Variants in HINFP observed in about 807,000 individuals in gnomAD.
The protein encoded by HINFP is histone H4 transcription factor.
Under a neutral mutation model 50.1 loss-of-function variants are expected in HINFP, and 20 were observed. The ratio of observed to expected loss-of-function variants is 0.40; its 90% CI spans 0.28 to 0.58. The LOEUF is 0.58. Among genes scored for constraint, HINFP ranks in the 20% least tolerant of loss-of-function variants. The pLI, the probability that HINFP is intolerant of heterozygous loss-of-function variation, is 0.45. For missense variants in HINFP, 505 were observed against 664.1 expected (o/e 0.76, Z 2.63); for synonymous variants, 247 against 243.7 (o/e 1.01, Z -0.13).
intron 2 of HINFP, 88 bp from the exon 3 acceptor site, chr11:119,130,637 C>A: frequency 8.5e-7 from 1 of 1,178,022 alleles, no homozygotes; most frequent in African/African-American, 1.5e-5. Context: ...CGAGTCCAGC[C>A]TCCTCACTCT....
At position 119,134,025 on chromosome 11, in the gene HINFP, C is replaced by G; in HGVS notation, c.1140-59C>G. 2 of 1,609,568 alleles carry G rather than the reference C, an allele frequency of 1.2e-6. No homozygotes were observed. The highest frequency in any genetic ancestry group is 1.7e-6 in the Non-Finnish European group (2 of 1,176,178). On this transcript the variant is annotated intron_variant, in intron 9 of 9. Coordinates refer to ENST00000350777, the MANE Select transcript of HINFP (RefSeq NM_198971.3). The surrounding 1 kb of genome is among the most constrained non-coding windows in gnomAD (Gnocchi z 4.3). ...TGTTTGTTCCTTACTTTGCCAGCCTCGGCCATTTCTGTATCCCCCTGCCTG... is the reference window on the plus strand; with the variant it reads ...TGTTTGTTCCTTACTTTGCCAGCCTGGGCCATTTCTGTATCCCCCTGCCTG...
Position 119,131,435 on chromosome 11 carries a change from C to A in HINFP, c.412-100C>A. The A allele has an allele frequency of 1.2e-6, 1 of 845,188 alleles. No homozygotes were observed. 52.4% of individuals were successfully genotyped at this position (845,188 alleles called of 1,614,324 possible). ...GCCTTTCCTCAAAATTTCCCATCCCCATCAAGTTAATTTGGGAGAGAGCCA... is the reference window on the plus strand; with the variant it reads ...GCCTTTCCTCAAAATTTCCCATCCCAATCAAGTTAATTTGGGAGAGAGCCA... On this transcript the variant is annotated intron_variant, in intron 3 of 9. Coordinates refer to ENST00000350777, the MANE Select transcript of HINFP (RefSeq NM_198971.3). This position sits in a 1 kb window ranked among gnomAD's most constrained non-coding sequence, Gnocchi z 4.2.
Position 119,132,769 on chromosome 11 carries a change from G to T in HINFP, c.863G>T (p.Cys288Phe). The T allele has an allele frequency of 6.2e-7, 1 of 1,613,576 alleles. No homozygotes were observed. Among genetic ancestry groups the T allele is most frequent in the South Asian group, 1.1e-5 (1 of 91,088 alleles). Residue 288 changes from cysteine to phenylalanine, a missense_variant, in exon 7 of 10, where the codon TGT (cysteine) becomes TTT (phenylalanine). Physicochemically the swap from Cys to Phe is radical, Grantham distance 205. Transcript: ENST00000350777. Reference sequence around the variant, plus strand: ...GAGGACCGGCCCTTTAAATGTGACTGTTGTGACTACAGGTAAGGGGGACCA... The same window carrying T: ...GAGGACCGGCCCTTTAAATGTGACTTTTGTGACTACAGGTAAGGGGGACCA... ...HSEDRPFKCD[C>F]CDYSCKNLID... is the part of the protein sequence containing the mutation.
At position 119,134,384 on chromosome 11, in the gene HINFP, C is replaced by T. The variant is rs777221391; in HGVS notation, c.1440C>T (p.Tyr480=). ...CCCAAGGCCAGCAAGAGATCGTCTA[C>T]TATGTGCTGTCTGAAGCCCCAGGGG... ...TNAQGQQEIV[Y]YVLSEAPGEP... The change falls in exon 10 of 10, where the codon TAC becomes TAT. Residue 480 remains tyrosine (Y), a synonymous_variant. Transcript: ENST00000350777. The surrounding 1 kb of genome is among the most constrained non-coding windows in gnomAD (Gnocchi z 4.3). 6.2e-7 allele frequency: 1 copy of T among 1,614,172 alleles called. No homozygotes were observed. Among genetic ancestry groups the T allele is most frequent in the South Asian group, 1.1e-5 (1 of 91,080 alleles).
At chr11:119,126,354 C>CAAAAAAA (rs55703263) in intron 1 of HINFP, 1 of 62,688 alleles carries the variant, frequency 1.6e-5, no homozygotes, top group Non-Finnish European at 3.7e-5. Context: ...AACTCAATCT[C>CAAAAAAA]AAAAAAAAAA....
rs1255599537 is a variant in HINFP, at chr11:119,135,102, A to G, written c.*604A>G. 2.0e-5 allele frequency: 3 copies of G among 152,654 alleles called. No individual in the cohort carries two copies. Among genetic ancestry groups the G allele is most frequent in the African/African-American group, 4.8e-5 (2 of 41,432 alleles). 9.5% of individuals were successfully genotyped at this position (152,654 alleles called of 1,614,324 possible). On this transcript the variant is annotated 3_prime_UTR_variant, in exon 10 of 10. Coordinates refer to ENST00000350777, the MANE Select transcript of HINFP (RefSeq NM_198971.3). Reference sequence around the variant, plus strand: ...TGGCAGTTTACTAGGTAATGAGGAGATACAGCCACCCAGAAGAGGAGCTGA... The same window carrying G: ...TGGCAGTTTACTAGGTAATGAGGAGGTACAGCCACCCAGAAGAGGAGCTGA...
intron 2 of HINFP, among the ~76,000 whole-genome samples, chr11:119,128,224 AT>A (rs1012534931): frequency 2.6e-5 from 4 of 152,118 alleles, no homozygotes; most frequent in Non-Finnish European, 5.9e-5. Context: ...AATAACTGGG[AT>A]TTTAATAAAA....
In HINFP at chr11:119,131,308, C is replaced by T. The variant is rs549139993; in HGVS notation, c.412-227C>T. 2.2e-4 allele frequency: 130 copies of T among 580,768 alleles called. No homozygotes were observed. The highest frequency in any genetic ancestry group is 3.5e-4 in the Non-Finnish European group (112 of 321,134). 36.0% of individuals were successfully genotyped at this position (580,768 alleles called of 1,614,324 possible). ...CTGGGTGTGTTGCCCAGGCCGGTCT[C>T]GAACTCTTGGCCTCAAGTGATTCTC... On this transcript the variant is annotated intron_variant, in intron 3 of 9. Coordinates refer to ENST00000350777, the MANE Select transcript of HINFP (RefSeq NM_198971.3). The surrounding 1 kb of genome is among the most constrained non-coding windows in gnomAD (Gnocchi z 4.2).
intron 2 of HINFP, among the ~76,000 whole-genome samples, chr11:119,128,542 G>A (rs1947556164): frequency 6.6e-6 from 1 of 150,424 alleles, no homozygotes; most frequent in African/African-American, 2.4e-5. Flanking sequence ...TGGCCAGCCT[G>A]GTCTTGAACT....
rs543821453 is a variant in HINFP, at chr11:119,135,158, C to G, written c.*660C>G. The G allele has an allele frequency of 1.9e-4, 29 of 152,600 alleles. No homozygotes were observed. Among genetic ancestry groups the G allele is most frequent in the Admixed American group, 6.5e-4 (10 of 15,306 alleles). The allele number at this position is 152,600 out of a possible 1,614,324, so 9.5% of individuals were successfully genotyped here. On this transcript the variant is annotated 3_prime_UTR_variant, in exon 10 of 10. Transcript: ENST00000350777. ...TAGGCTTGTTCCCCTTCTGGTGACTCAGGTGGTTTGTTTTTTGTTTGCTTA... is the reference window on the plus strand; with the variant it reads ...TAGGCTTGTTCCCCTTCTGGTGACTGAGGTGGTTTGTTTTTTGTTTGCTTA...
In HINFP at chr11:119,121,595, G is replaced by A. The variant is rs1565783551; in HGVS notation, c.-55G>A. On this transcript the variant is annotated 5_prime_UTR_variant, in exon 1 of 10. Coordinates refer to ENST00000350777, the MANE Select transcript of HINFP (RefSeq NM_198971.3). The stretch of plus-strand genomic sequence containing the variant: ...TCCCTCAAGCGCCTCTCCGGAGATG[G>A]TCTGAGGTGGGAGAAGAGCTGAAGA... 6.6e-6 allele frequency: 1 copy of A among 152,374 alleles called. No individual in the cohort carries two copies. The highest frequency in any genetic ancestry group is 1.9e-4 in the East Asian group (1 of 5,200). The allele number at this position is 152,374 out of a possible 1,614,324, so 9.4% of individuals were successfully genotyped here. A position where few individuals can be genotyped will look rare whatever the true frequency, so the allele number is the denominator to read the frequency against.
intron 6 of HINFP, 23 bp downstream of exon 6, chr11:119,132,596 C>T (rs1947827653): frequency 6.2e-7 from 1 of 1,614,072 alleles, no homozygotes; most frequent in Non-Finnish European, 8.5e-7. Context: ...CGGCCCACAG[C>T]CTCCCTCCTG....
chr11:119,134,517 A>G lies in HINFP; in HGVS notation c.*19A>G, dbSNP rs769205696. 1 of 1,550,024 alleles carries G rather than the reference A, an allele frequency of 6.5e-7. No homozygotes were observed. Among genetic ancestry groups the G allele is most frequent in the Non-Finnish European group, 8.7e-7 (1 of 1,146,222 alleles). On this transcript the variant is annotated 3_prime_UTR_variant, in exon 10 of 10. Coordinates refer to ENST00000350777, the MANE Select transcript of HINFP (RefSeq NM_198971.3). This position sits in a 1 kb window ranked among gnomAD's most constrained non-coding sequence, Gnocchi z 4.3. The stretch of plus-strand genomic sequence containing the variant: ...GGTTTGAAGGCCGCAGAGCCAGACC[A>G]TTTCTTCCCCAGGTCCTGAAGTTTG...
intron 1 of HINFP, among the ~76,000 whole-genome samples, chr11:119,122,410 A>G (rs1015419548): frequency 1.3e-5 from 2 of 152,154 alleles, no homozygotes; most frequent in Non-Finnish European, 2.9e-5. Context: ...GTTTCTGCTC[A>G]GAAGCTTCTT....
chr11:119,132,094 T>A, intron 5 of HINFP, 112 bp downstream of exon 5: 1 of 1,217,790 alleles, frequency 8.2e-7, no homozygotes, highest in Non-Finnish European at 1.2e-6. Flanking sequence ...GGCTGCCTCT[T>A]CTTTTTGGGC....
At chr11:119,128,481 T>C (rs1392892520) in intron 2 of HINFP, among the ~76,000 whole-genome samples, 4 of 151,102 alleles carry the variant, frequency 2.6e-5, no homozygotes, top group Non-Finnish European at 5.9e-5. Flanking sequence ...AATTTTTTTT[T>C]GTATTTTTAG....
At chr11:119,125,077 T>C (rs1268258606) in intron 1 of HINFP, 1 of 146,014 alleles carries the variant, frequency 6.8e-6, no homozygotes, top group Non-Finnish European at 1.5e-5. Context: ...CTTACTCTGT[T>C]GCCCAGGCTG....
Position 119,134,313 on chromosome 11 carries a change from C to T in HINFP, c.1369C>T (p.Gln457Ter), listed in dbSNP as rs771499295. 1 of 1,614,070 alleles carries T rather than the reference C, an allele frequency of 6.2e-7. No individual in the cohort carries two copies. The highest frequency in any genetic ancestry group is 1.3e-5 in the African/African-American group (1 of 74,948). The change falls in exon 10 of 10, where the codon CAG becomes TAG. Residue 457 changes from glutamine (Q) to a stop codon, truncating the protein, a stop_gained. Transcript: ENST00000350777. LOFTEE classifies it high-confidence loss of function. The surrounding 1 kb of genome is among the most constrained non-coding windows in gnomAD (Gnocchi z 4.3). Reference protein sequence around the residue: ...GSEGTALSASQDNPSSVIHVV... With the variant: ...GSEGTALSAS ...CGAAGGGACAGCCCTCTCAGCCTCT[C>T]AGGACAACCCCAGTTCTGTCATCCA...
chr11:119,125,931 T>A (rs1947371733), intron 1 of HINFP: 1 of 152,196 alleles, frequency 6.6e-6, no homozygotes, highest in African/African-American at 2.4e-5. Flanking sequence ...CTGTAGGCTC[T>A]ATGGAGTAGA....
Sources: allele counts gnomAD v4.1 joint callset (sites outside exome capture counted in the v4.1 genomes callset), GRCh38; gene constraint gnomAD v4.1.1; non-coding constraint Gnocchi (gnomAD v3.1); transcripts MANE v1.5; gene names NCBI Gene and HGNC (gene_info 2026-07-23, HGNC 2026-07-21).